APBB2: variants seen among roughly 807,000 people sequenced by gnomAD.
APBB2 encodes the protein amyloid beta precursor protein binding family B member 2, also known as Fe65-like 1.
Under a neutral mutation model 82.5 loss-of-function variants are expected in APBB2, and 38 were observed. The observed-to-expected ratio is 0.46, with a 90% CI of 0.36 to 0.60. The LOEUF (loss-of-function observed/expected upper bound fraction) is 0.60. Among genes scored for constraint, APBB2 ranks in the 20% least tolerant of loss-of-function variants. The pLI is 0.00. For synonymous variants in APBB2, 341 were observed against 368.2 expected, an observed-to-expected ratio of 0.93 and a Z score of 0.85; for missense variants, 772 against 972.3, an observed-to-expected ratio of 0.79 and a Z score of 2.74.
chr4:41,029,865 A>G (rs188416581), intron 5 of APBB2, among the ~76,000 whole-genome samples: 94 of 152,228 alleles, frequency 6.2e-4, no homozygotes, highest in Non-Finnish European at 1.1e-3. Context: ...TTCCCACAAA[A>G]AGAAGAGCTG....
At chr4:41,174,708 G>A (rs1050736845) in intron 1 of APBB2, among the ~76,000 whole-genome samples, 1 of 152,178 alleles carries the variant, frequency 6.6e-6, no homozygotes, top group African/African-American at 2.4e-5. Context: ...GGTACATGCA[G>A]CACCAGCTAC....
intron 1 of APBB2, among the ~76,000 whole-genome samples, chr4:41,152,793 C>A (rs908418385): frequency 3.9e-5 from 6 of 152,166 alleles, no homozygotes; most frequent in African/African-American, 1.4e-4. Flanking sequence ...CTGCCAGAAG[C>A]CAAAGGGCAC....
chr4:40,902,003 A>C (rs1221964464), intron 10 of APBB2, among the ~76,000 whole-genome samples: 1 of 152,096 alleles, frequency 6.6e-6, no homozygotes, highest in East Asian at 1.9e-4. Flanking sequence ...TACAAAGTAC[A>C]GTATATCTTC....
intron 1 of APBB2, among the ~76,000 whole-genome samples, chr4:41,157,236 G>A (rs951881748): frequency 6.6e-6 from 1 of 152,118 alleles, no homozygotes; most frequent in Non-Finnish European, 1.5e-5. Flanking sequence ...ATTTTCTGGT[G>A]CAGGCAGGTC....
At chr4:41,093,497 A>C (rs1240635115) in intron 3 of APBB2, among the ~76,000 whole-genome samples, 1 of 152,104 alleles carries the variant, frequency 6.6e-6, no homozygotes, top group Non-Finnish European at 1.5e-5. Flanking sequence ...TGAACCTATG[A>C]TCACAACCTG....
chr4:40,884,075 G>A (rs1769499917), intron 12 of APBB2, among the ~76,000 whole-genome samples: 3 of 152,148 alleles, frequency 2.0e-5, no homozygotes, highest in Admixed American at 2.0e-4. Flanking sequence ...GGACGTATCT[G>A]ACCCAGCCTC....
intron 12 of APBB2, among the ~76,000 whole-genome samples, chr4:40,863,891 CAAAAAAAAAA>C (rs60135616): frequency 6.1e-5 from 2 of 33,000 alleles, no homozygotes; most frequent in South Asian, 1.8e-3. Context: ...GAGACTGTCT[CAAAAAAAAAA>C]AAAAAAAAAA....
intron 3 of APBB2, among the ~76,000 whole-genome samples, chr4:41,078,025 C>T (rs538659863): frequency 6.6e-6 from 1 of 152,106 alleles, no homozygotes; most frequent in South Asian, 2.1e-4. Context: ...ATGTGCTATA[C>T]AAGAAAGAAA....
rs1328162825 is a variant in APBB2 at position 41,033,275 on chromosome 4, T to C, written c.-21A>G. 4 of 1,603,436 alleles carry C rather than the reference T, an allele frequency of 2.5e-6. No homozygotes were observed. Among genetic ancestry groups the C allele is most frequent in the Non-Finnish European group, 2.6e-6 (3 of 1,173,196 alleles). On this transcript the variant is annotated 5_prime_UTR_variant, in exon 5 of 18. Transcript: ENST00000508593. Reference sequence around the variant, plus strand: ...GACATGGATCACCAGGCGTCAGCAATGGTGCAGGAAATAGGTTATAATTTG... The same window carrying C: ...GACATGGATCACCAGGCGTCAGCAACGGTGCAGGAAATAGGTTATAATTTG...
Position 41,014,032 on chromosome 4 carries a change from T to C in APBB2, c.386A>G (p.Asn129Ser), listed in dbSNP as rs753802478. 1 of 1,614,074 alleles carries C rather than the reference T, an allele frequency of 6.2e-7. No individual in the cohort carries two copies. The highest frequency in any genetic ancestry group is 8.5e-7 in the Non-Finnish European group (1 of 1,180,032). The change falls in exon 6 of 18, where the codon AAC becomes AGC. Residue 129 changes from asparagine (N) to serine (S), a missense_variant. Asn to Ser is a conservative substitution (Grantham distance 46). Coordinates refer to ENST00000508593, the MANE Select transcript of APBB2 (RefSeq NM_004307.2). ...NKNLSPTAVI[N>S]ITSEKLEGKE... ...ACCCTCTAACTTCTCAGAAGTTATG[T>C]TGATGACTGCAGTGGGGCTCAGGTT...
intron 12 of APBB2, among the ~76,000 whole-genome samples, chr4:40,879,541 A>G (rs905010929): frequency 3.3e-5 from 5 of 152,214 alleles, no homozygotes; most frequent in Non-Finnish European, 5.9e-5. Context: ...AGGGAACTCT[A>G]TGAAGAGTCA....
chr4:41,014,592 C>A (rs1027088106), intron 5 of APBB2, 194 bp from the exon 6 acceptor site: 31 of 576,064 alleles, frequency 5.4e-5, no homozygotes, highest in Non-Finnish European at 7.4e-5. Context: ...AAGGGCTTAA[C>A]GTGGATAACC....
At chr4:40,817,061 T>C (rs1745971757) in intron 17 of APBB2, among the ~76,000 whole-genome samples, 1 of 152,160 alleles carries the variant, frequency 6.6e-6, no homozygotes, top group African/African-American at 2.4e-5. Flanking sequence ...TAAGATTAGA[T>C]AAAAAGTTAA....
At position 41,013,984 on chromosome 4, in the gene APBB2, G is replaced by A. The variant is rs1364485300; in HGVS notation, c.434C>T (p.Ser145Phe). 1.2e-6 allele frequency: 2 copies of A among 1,614,070 alleles called. No individual in the cohort carries two copies. Among genetic ancestry groups the A allele is most frequent in the Non-Finnish European group, 1.7e-6 (2 of 1,180,036 alleles). ...LEGKEPHPQDSSSCEILPSQP... is the reference protein window; with the variant it reads ...LEGKEPHPQDFSSCEILPSQP... ...GGAGGGTAAAATCTCACAGCTCGAG[G>A]AATCCTGTGGGTGGGGCTCTTTACC... The change falls in exon 6 of 18, where the codon TCC becomes TTC. Residue 145 changes from serine (S) to phenylalanine (F), a missense_variant. Transcript: ENST00000508593.
chr4:40,995,660 C>T (rs1432217202), intron 6 of APBB2, among the ~76,000 whole-genome samples: 1 of 151,820 alleles, frequency 6.6e-6, no homozygotes, highest in Non-Finnish European at 1.5e-5. Context: ...CTACCTCAGC[C>T]TCCTACGTAG....
chr4:41,153,575 C>G (rs1376598848), intron 1 of APBB2, among the ~76,000 whole-genome samples: 6 of 152,148 alleles, frequency 3.9e-5, no homozygotes, highest in Non-Finnish European at 8.8e-5. Context: ...TGTTTCTGAT[C>G]TTGGCACCTA....
chr4:41,074,187 AGTT>A (rs1454705007), intron 3 of APBB2, among the ~76,000 whole-genome samples: 3 of 152,152 alleles, frequency 2.0e-5, no homozygotes, highest in African/African-American at 4.8e-5. Flanking sequence ...GAAGGAATAA[AGTT>A]GTTATTTTTG....
chr4:41,067,009 G>A (rs1004762966), intron 3 of APBB2, among the ~76,000 whole-genome samples: 17 of 152,192 alleles, frequency 1.1e-4, no homozygotes, highest in South Asian at 2.1e-4. Flanking sequence ...GGAACCATCC[G>A]GAAGTTCAAA....
intron 1 of APBB2, among the ~76,000 whole-genome samples, chr4:41,166,895 T>TA (rs1580564236): frequency 6.6e-6 from 1 of 152,170 alleles, no homozygotes; most frequent in East Asian, 1.9e-4. Context: ...AAATAAAATT[T>TA]AAAAAAACTG....
Sources: gnomAD v4.1 joint callset for allele counts (sites outside exome capture counted in the v4.1 genomes callset) on GRCh38, gnomAD v4.1.1 for gene constraint, MANE v1.5 for transcripts, NCBI Gene and HGNC (gene_info 2026-07-23, HGNC 2026-07-21) for gene names.